Variants in CRISPLD2 observed in about 807,000 individuals in gnomAD.
CRISPLD2 encodes cysteine rich secretory protein LCCL domain containing 2.
CRISPLD2 carries 47 observed loss-of-function variants against 71.1 expected under a neutral mutation model. The ratio of observed to expected loss-of-function variants is 0.66; its 90% CI spans 0.52 to 0.84. CRISPLD2 has a LOEUF of 0.84. Among genes scored for constraint, CRISPLD2 ranks in the 40% least tolerant of loss-of-function variants. The pLI is 0.00. For missense variants in CRISPLD2, 830 were observed against 651.1 expected, an observed-to-expected ratio of 1.27 and a Z score of -2.99; for synonymous variants, 317 against 250.1, an observed-to-expected ratio of 1.27 and a Z score of -2.52.
intron 3 of CRISPLD2, among the ~76,000 whole-genome samples, chr16:84,846,815 C>T (rs923670839): frequency 5.9e-5 from 9 of 152,274 alleles, no homozygotes; most frequent in East Asian, 3.9e-4. Flanking sequence ...TGTCTGGGAG[C>T]GATTTGTCCC....
chr16:84,893,162 C>T (rs2071677740), intron 14 of CRISPLD2, among the ~76,000 whole-genome samples: 1 of 151,962 alleles, frequency 6.6e-6, no homozygotes. Flanking sequence ...GACACTGCTC[C>T]CCCAGTCCCC....
chr16:84,838,809 G>A, intron 2 of CRISPLD2, 74 bp downstream of exon 2: 1 of 1,539,048 alleles, frequency 6.5e-7, no homozygotes, highest in African/African-American at 1.4e-5. Flanking sequence ...CTGTTCCCCA[G>A]CCAGCTCTGT....
chr16:84,896,426 A>C (rs754676022), intron 14 of CRISPLD2, among the ~76,000 whole-genome samples: 1 of 152,180 alleles, frequency 6.6e-6, no homozygotes, highest in Middle Eastern at 3.2e-3. Context: ...ATATACAGAC[A>C]GTCTTAGACA....
At chr16:84,871,015 C>G (rs1318726382) in intron 8 of CRISPLD2, among the ~76,000 whole-genome samples, 1 of 152,098 alleles carries the variant, frequency 6.6e-6, no homozygotes, top group Non-Finnish European at 1.5e-5. Flanking sequence ...CCGAGGTGTA[C>G]TGGTGCACTC....
chr16:84,880,425 T>A, intron 12 of CRISPLD2, 84 bp from the exon 13 acceptor site: 1 of 1,090,930 alleles, frequency 9.2e-7, no homozygotes, highest in Non-Finnish European at 1.3e-6. Context: ...AACTTAAATC[T>A]TGGAATTCAA....
At chr16:84,850,793 A>G (rs1023920294) in intron 5 of CRISPLD2, 110 bp downstream of exon 5, 30 of 784,892 alleles carry the variant, frequency 3.8e-5, no homozygotes, top group Admixed American at 1.0e-4. Context: ...TATCTCACAT[A>G]ACAAAGAATC....
At chr16:84,836,559 C>G (rs1206701213) in intron 1 of CRISPLD2, 1 of 152,152 alleles carries the variant, frequency 6.6e-6, no homozygotes, top group Admixed American at 6.5e-5. Flanking sequence ...TTGTCTGAGG[C>G]GCAGGCTCAG....
chr16:84,826,005 G>A (rs1422014826), intron 1 of CRISPLD2, among the ~76,000 whole-genome samples: 1 of 151,990 alleles, frequency 6.6e-6, no homozygotes, highest in Non-Finnish European at 1.5e-5. Context: ...AGGACTCATA[G>A]AAATGCAGGT....
At chr16:84,884,161 A>T (rs145949215) in intron 13 of CRISPLD2, among the ~76,000 whole-genome samples, 5 of 152,142 alleles carry the variant, frequency 3.3e-5, no homozygotes, top group Non-Finnish European at 7.4e-5. Context: ...TAATCTTCAC[A>T]GTAACCCTCT....
At chr16:84,836,537 A>G (rs1017107996) in intron 1 of CRISPLD2, 3 of 152,036 alleles carry the variant, frequency 2.0e-5, no homozygotes, top group Non-Finnish European at 4.4e-5. Flanking sequence ...TCCTCTCCGC[A>G]TGGGGTTATT....
chr16:84,825,058 C>T (rs1453256485), intron 1 of CRISPLD2, among the ~76,000 whole-genome samples: 2 of 152,066 alleles, frequency 1.3e-5, no homozygotes, highest in Non-Finnish European at 2.9e-5. Context: ...GAGCCGAGAT[C>T]ACGCCACCAC....
At chr16:84,848,704 G>A (rs537607965) in intron 3 of CRISPLD2, among the ~76,000 whole-genome samples, 1 of 152,304 alleles carries the variant, frequency 6.6e-6, no homozygotes, top group African/African-American at 2.4e-5. Context: ...GCCTCCCAAA[G>A]TGCTGGGATG....
At chr16:84,849,314 G>A (rs997133249) in intron 3 of CRISPLD2, 71 bp from the exon 4 acceptor site, 7 of 1,457,552 alleles carry the variant, frequency 4.8e-6, no homozygotes, top group Admixed American at 1.8e-5. Context: ...CTACCTGCCC[G>A]TGGCTGCTGC....
In CRISPLD2 at chr16:84,907,263, A is replaced by T. The variant is rs1187501142; in HGVS notation, c.*621A>T. The T allele has an allele frequency of 6.2e-6, 1 of 162,280 alleles. No individual in the cohort carries two copies. The highest frequency in any genetic ancestry group is 2.4e-5 in the African/African-American group (1 of 41,538). 10.1% of individuals were successfully genotyped at this position (162,280 alleles called of 1,614,324 possible). On this transcript the variant is annotated 3_prime_UTR_variant, in exon 15 of 15. Coordinates refer to ENST00000262424, the MANE Select transcript of CRISPLD2 (RefSeq NM_031476.4). ...CACGTGTCCTTGCTGGCGGCCCGCC[A>T]CAGGCCCCCTTCAATGGCCGCATTC...
At chr16:84,873,415 T>C (rs972117449) in intron 10 of CRISPLD2, 9 of 204,512 alleles carry the variant, frequency 4.4e-5, no homozygotes, top group Non-Finnish European at 6.8e-5. Context: ...GAGGCAGAGG[T>C]TGCAGTGAGC....
intron 1 of CRISPLD2, among the ~76,000 whole-genome samples, chr16:84,825,265 CAG>C (rs1334400744): frequency 6.7e-6 from 1 of 149,472 alleles, no homozygotes; most frequent in Non-Finnish European, 1.5e-5. Flanking sequence ...AAGTGCTTCT[CAG>C]AGTGGGGGCC....
chr16:84,855,843 A>G lies in CRISPLD2; in HGVS notation c.709+1014A>G, dbSNP rs112841859. ...AAACTCACCAATCCCCAACCCAAATACTATGACATAAAGTTAACAATACTT... is the reference window on the plus strand; with the variant it reads ...AAACTCACCAATCCCCAACCCAAATGCTATGACATAAAGTTAACAATACTT... On this transcript the variant is annotated intron_variant, in intron 6 of 14. Transcript: ENST00000262424. Among the ~76,000 whole-genome samples, 446 of 152,346 alleles carry G rather than the reference A, an allele frequency of 2.9e-3. 4 individuals are homozygous for G. Among genetic ancestry groups the G allele is most frequent in the African/African-American group, 0.01 (424 of 41,580 alleles).
rs200215115 is a variant in CRISPLD2 at position 84,873,105 on chromosome 16, C to T, written c.1095C>T (p.His365=). ...KVPFFVKSER[H]GVQSLSKYKP... ...CCTTCTTCGTGAAGTCTGAGAGACACGGCGTGCAGTCCCTCAGGTAACTAC... is the reference window on the plus strand; with the variant it reads ...CCTTCTTCGTGAAGTCTGAGAGACATGGCGTGCAGTCCCTCAGGTAACTAC... Residue 365 remains histidine, a synonymous_variant, in exon 10 of 15, where the codon CAC becomes CAT. Coordinates refer to ENST00000262424, the MANE Select transcript of CRISPLD2 (RefSeq NM_031476.4). 33 of 1,613,542 alleles carry T rather than the reference C, an allele frequency of 2.0e-5. No homozygotes were observed. The highest frequency in any genetic ancestry group is 5.0e-5 in the Admixed American group (3 of 59,946).
rs183846081 is a variant in CRISPLD2, at chr16:84,869,437, A to G, written c.914+526A>G. ...GCCGAAAGCTGAATCGAGTTATTTA[A>G]AGCACATGTTAAAAAGGGAAGGTTG... On this transcript the variant is annotated intron_variant, in intron 8 of 14. Coordinates refer to ENST00000262424, the MANE Select transcript of CRISPLD2 (RefSeq NM_031476.4). Among the ~76,000 whole-genome samples the G allele has an allele frequency of 5.2e-3, 790 of 152,304 alleles. 5 individuals are homozygous for G. Among genetic ancestry groups the G allele is most frequent in the African/African-American group, 0.018 (746 of 41,560 alleles).
Sources: allele counts gnomAD v4.1 joint callset (sites outside exome capture counted in the v4.1 genomes callset), GRCh38; gene constraint gnomAD v4.1.1; transcripts MANE v1.5; gene names NCBI Gene and HGNC (gene_info 2026-07-23, HGNC 2026-07-21).